The following REX1BD variants were observed in gnomAD, a reference collection of about 807,000 sequenced individuals.
REX1BD encodes required for excision 1-B domain containing.
In REX1BD, 22 loss-of-function variants were observed where a neutral mutation model predicts 24.4. The observed-to-expected ratio is 0.90, with a 90% CI of 0.64 to 1.29. The LOEUF (loss-of-function observed/expected upper bound fraction) is 1.29. Ranked by LOEUF, REX1BD falls within the 50% of genes most tolerant of loss-of-function variation. The pLI is 0.00. For missense variants in REX1BD, 293 were observed against 285.3 expected (o/e 1.03, Z -0.19); for synonymous variants, 146 against 125.9 (o/e 1.16, Z -1.07).
chr19:18,591,969 G>A (rs900080193), intron 4 of REX1BD, 139 bp from the exon 5 acceptor site: 3 of 891,838 alleles, frequency 3.4e-6, no homozygotes, highest in African/African-American at 3.3e-5. Flanking sequence ...GTTCCCTCTT[G>A]CTGCTAGTGC....
At chr19:18,589,906 A>T in intron 3 of REX1BD, 1 of 576,934 alleles carries the variant, frequency 1.7e-6, no homozygotes. Context: ...TTCCCAGAGC[A>T]CTCCCGCTTT....
Position 18,589,623 on chromosome 19 carries a change from G to T in REX1BD, c.393G>T (p.Gln131His). 1 of 1,522,270 alleles carries T rather than the reference G, an allele frequency of 6.6e-7. No individual in the cohort carries two copies. The highest frequency in any genetic ancestry group is 8.8e-7 in the Non-Finnish European group (1 of 1,142,116). 94.3% of individuals were successfully genotyped at this position (1,522,270 alleles called of 1,614,324 possible). Reference sequence around the variant, plus strand: ...CAGAGCTGGGCGGGCCTCGCAGGCAGCCGCTGCTCGCCGGCCACGTGCGCA... The same window carrying T: ...CAGAGCTGGGCGGGCCTCGCAGGCATCCGCTGCTCGCCGGCCACGTGCGCA... ...VEAELGGPRR[Q>H]PLLAGHVRSL... is the part of the protein sequence containing the mutation. The change falls in exon 3 of 5, where the codon CAG (glutamine) becomes CAT (histidine). Residue 131 changes from glutamine (Q) to histidine (H), a missense_variant. Physicochemically the swap from Gln to His is conservative, Grantham distance 24. Transcript: ENST00000358607.
At chr19:18,590,048 G>C (rs1453028460) in intron 3 of REX1BD, 1 of 260,678 alleles carries the variant, frequency 3.8e-6, no homozygotes, top group Non-Finnish European at 7.3e-6. Flanking sequence ...GGGGTCCCAG[G>C]CCACGCCTCC....
intron 4 of REX1BD, chr19:18,591,575 T>TG (rs1976041523): frequency 6.4e-6 from 1 of 157,108 alleles, no homozygotes; most frequent in Non-Finnish European, 1.4e-5. Context: ...CCTCCCAAAG[T>TG]GCTGGGATTA....
Position 18,589,013 on chromosome 19 carries a change from A to G in REX1BD, c.118A>G (p.Thr40Ala). Residue 40 changes from threonine to alanine, a missense_variant, in exon 2 of 5, where the codon ACG becomes GCG. By Grantham distance (58) the Thr-to-Ala change is moderately conservative (BLOSUM62 0). Transcript: ENST00000358607. Reference sequence around the variant, plus strand: ...CCCGCAGAAAGACGCCCCGATCCGGACGCTGGTGCAGCGCATCCACCAGCT... The same window carrying G: ...CCCGCAGAAAGACGCCCCGATCCGGGCGCTGGTGCAGCGCATCCACCAGCT... ...AWPWKDAPIRTLVQRIHQLQA... is the reference protein window; with the variant it reads ...AWPWKDAPIRALVQRIHQLQA... 2.0e-6 allele frequency: 3 copies of G among 1,527,568 alleles called. No homozygotes were observed. The highest frequency in any genetic ancestry group is 2.6e-6 in the Non-Finnish European group (3 of 1,143,812). 94.6% of individuals were successfully genotyped at this position (1,527,568 alleles called of 1,614,324 possible). A position where few individuals can be genotyped will look rare whatever the true frequency, so the allele number is the denominator to read the frequency against.
rs1976059834 is a variant in REX1BD, at chr19:18,592,255, G to C, written c.*75G>C. ...GCGCCCAGCCCAGCCCTAACTGCCA[G>C]CTGGCTGGGGTTGCGCCCCACTGCG... On this transcript the variant is annotated 3_prime_UTR_variant, in exon 5 of 5. Coordinates refer to ENST00000358607, the MANE Select transcript of REX1BD (RefSeq NM_001100418.2). The C allele has an allele frequency of 6.4e-7, 1 of 1,569,004 alleles. No individual in the cohort carries two copies. The highest frequency in any genetic ancestry group is 8.8e-7 in the Non-Finnish European group (1 of 1,141,274).
At chr19:18,590,575 TAA>T (rs1408463810) in intron 3 of REX1BD, 1 of 361,742 alleles carries the variant, frequency 2.8e-6, no homozygotes, top group East Asian at 5.7e-5. Flanking sequence ...AGGCGCAACC[TAA>T]CCCACCCCTA....
At chr19:18,590,735 G>A in intron 3 of REX1BD, 119 bp from the exon 4 acceptor site, 1 of 877,252 alleles carries the variant, frequency 1.1e-6, no homozygotes, top group South Asian at 1.6e-5. Flanking sequence ...ACTGCCCCTC[G>A]TGGTTCTACC....
chr19:18,590,665 C>CT (rs1244112976), intron 3 of REX1BD, 189 bp from the exon 4 acceptor site: 1 of 572,714 alleles, frequency 1.7e-6, no homozygotes, highest in East Asian at 3.2e-5. Flanking sequence ...TCTGGCCTGC[C>CT]TGCTGTCTCC....
rs879685326 is a variant in REX1BD at position 18,589,641 on chromosome 19, C to A, written c.411C>A (p.His137Gln). ...GPRRQPLLAG[H>Q]VRSLQELEQT... ...GCAGGCAGCCGCTGCTCGCCGGCCA[C>A]GTGCGCAGCCTGCAGGAGCTGGAGC... The change falls in exon 3 of 5, where the codon CAC becomes CAA. Residue 137 changes from histidine (H) to glutamine (Q), a missense_variant. By Grantham distance (24) the His-to-Gln change is conservative. Coordinates refer to ENST00000358607, the MANE Select transcript of REX1BD (RefSeq NM_001100418.2). 3.3e-6 allele frequency: 5 copies of A among 1,512,268 alleles called. No individual in the cohort carries two copies. The highest frequency in any genetic ancestry group is 4.4e-6 in the Non-Finnish European group (5 of 1,137,784). The allele number at this position is 1,512,268 out of a possible 1,614,324, so 93.7% of individuals were successfully genotyped here.
chr19:18,590,767 C>T, intron 3 of REX1BD, 87 bp from the exon 4 acceptor site: 1 of 1,328,040 alleles, frequency 7.5e-7, no homozygotes, highest in Non-Finnish European at 1.0e-6. Context: ...TTTCTGGGTG[C>T]CTCTGTTTTT....
At chr19:18,591,000 C>T (rs1976029929) in intron 4 of REX1BD, 67 bp downstream of exon 4, 4 of 1,383,878 alleles carry the variant, frequency 2.9e-6, no homozygotes, top group South Asian at 1.5e-5. Flanking sequence ...GGTCAGGACG[C>T]TGCCAGCAGA....
At position 18,588,921 on chromosome 19, in the gene REX1BD, G is replaced by A. The variant is rs576981326; in HGVS notation, c.99+21G>A. Reference sequence around the variant, plus strand: ...CCTGGGTGAGCCCAGGCCCAAGCGGGAACGGGCGCGGGGCGGGCGGCGCAG... The same window carrying A: ...CCTGGGTGAGCCCAGGCCCAAGCGGAAACGGGCGCGGGGCGGGCGGCGCAG... On this transcript the variant is annotated intron_variant, in intron 1 of 4. Transcript: ENST00000358607. 619 of 1,526,574 alleles carry A rather than the reference G, an allele frequency of 4.1e-4. 3 individuals carry two copies. The African/African-American group carries it at 7.5e-3, about 19-fold the overall frequency. 94.6% of individuals were successfully genotyped at this position (1,526,574 alleles called of 1,614,324 possible). A position where few individuals can be genotyped will look rare whatever the true frequency, so the allele number is the denominator to read the frequency against.
chr19:18,592,006 A>G (rs1976052202), intron 4 of REX1BD, 102 bp from the exon 5 acceptor site: 3 of 1,365,122 alleles, frequency 2.2e-6, no homozygotes, highest in Non-Finnish European at 3.1e-6. Context: ...GGCGGGCAGG[A>G]GGGCCTGGGG....
At position 18,589,659 on chromosome 19, in the gene REX1BD, G is replaced by A. The variant is rs1568437622; in HGVS notation, c.429G>A (p.Glu143=). The A allele has an allele frequency of 1.3e-6, 2 of 1,495,952 alleles. No homozygotes were observed. The highest frequency in any genetic ancestry group is 1.8e-6 in the Non-Finnish European group (2 of 1,130,804). 92.7% of individuals were successfully genotyped at this position (1,495,952 alleles called of 1,614,324 possible). The change falls in exon 3 of 5, where the codon GAG becomes GAA. Residue 143 remains glutamate (E), a synonymous_variant. Coordinates refer to ENST00000358607, the MANE Select transcript of REX1BD (RefSeq NM_001100418.2). ...CCGGCCACGTGCGCAGCCTGCAGGA[G>A]CTGGAGCAGACGCGGCTGGGCACGG... The part of the protein sequence containing the change: ...LLAGHVRSLQ[E]LEQTRLGTVA...
intron 2 of REX1BD, 60 bp from the exon 3 acceptor site, chr19:18,589,353 C>G (rs1180237655): frequency 1.9e-6 from 3 of 1,549,738 alleles, no homozygotes; most frequent in Admixed American, 3.9e-5. Context: ...CAGGAAGCGT[C>G]CTTCCTACCT....
At chr19:18,589,759 G>C in intron 3 of REX1BD, 76 bp downstream of exon 3, 5 of 1,429,712 alleles carry the variant, frequency 3.5e-6, no homozygotes, top group Non-Finnish European at 4.5e-6. Flanking sequence ...CCTGGTTGGG[G>C]GGTGGTCCCA....
In REX1BD at chr19:18,589,673, G is replaced by T. The variant is rs1257846470; in HGVS notation, c.443G>T (p.Arg148Leu). The change falls in exon 3 of 5, where the codon CGG becomes CTG. Residue 148 changes from arginine to leucine, a missense_variant. Arg to Leu is a moderately radical substitution (Grantham distance 102). Transcript: ENST00000358607. The stretch of plus-strand genomic sequence containing the variant: ...AGCCTGCAGGAGCTGGAGCAGACGC[G>T]GCTGGGCACGGTGAGGCCACCACCC... ...VRSLQELEQT[R>L]LGTVALLQLM... 1.5e-5 allele frequency: 22 copies of T among 1,478,758 alleles called. No individual in the cohort carries two copies. The highest frequency in any genetic ancestry group is 2.0e-5 in the Non-Finnish European group (22 of 1,123,004). The allele number at this position is 1,478,758 out of a possible 1,614,324, so 91.6% of individuals were successfully genotyped here.
rs1976029550 is a variant in REX1BD at position 18,590,977 on chromosome 19, C to G, written c.533+44C>G. ...GCCGCCTGGCTATGCTCGATTTGCACCAGGGTTGGCACGGTCAGGACGCTG... is the reference window on the plus strand; with the variant it reads ...GCCGCCTGGCTATGCTCGATTTGCAGCAGGGTTGGCACGGTCAGGACGCTG... On this transcript the variant is annotated intron_variant, in intron 4 of 4. Coordinates refer to ENST00000358607, the MANE Select transcript of REX1BD (RefSeq NM_001100418.2). 4.1e-6 allele frequency: 6 copies of G among 1,476,664 alleles called. 1 individual carries two copies. The South Asian group carries it at 5.3e-5, about 13-fold the overall frequency. 91.5% of individuals were successfully genotyped at this position (1,476,664 alleles called of 1,614,324 possible). A position where few individuals can be genotyped will look rare whatever the true frequency, so the allele number is the denominator to read the frequency against.
Sources: gnomAD v4.1 joint callset for allele counts on GRCh38, gnomAD v4.1.1 for gene constraint, MANE v1.5 for transcripts, NCBI Gene and HGNC (gene_info 2026-07-23, HGNC 2026-07-21) for gene names.